Variants in KCTD16 observed in about 807,000 individuals in gnomAD.
KCTD16 encodes the protein potassium channel tetramerization domain containing 16.
Under a neutral mutation model 33.2 loss-of-function variants are expected in KCTD16, and 13 were observed. The observed-to-expected ratio is 0.39, with a 90% CI of 0.25 to 0.62. KCTD16 has a LOEUF of 0.62. Among genes scored for constraint, KCTD16 ranks in the 20% least tolerant of loss-of-function variants. The pLI is 0.50. For synonymous variants in KCTD16, 197 were observed against 195.3 expected (o/e 1.01, Z -0.07); for missense variants, 441 against 525.1 (o/e 0.84, Z 1.57).
chr5:144,260,906 T>C (rs1352933853), intron 3 of KCTD16, among the ~76,000 whole-genome samples: 2 of 152,084 alleles, frequency 1.3e-5, no homozygotes, highest in Non-Finnish European at 2.9e-5. Flanking sequence ...ATTAATATCA[T>C]TTTTTATGTA....
intron 3 of KCTD16, among the ~76,000 whole-genome samples, chr5:144,328,592 T>C (rs2126889343): frequency 6.6e-6 from 1 of 152,236 alleles, no homozygotes; most frequent in East Asian, 1.9e-4. Context: ...TTTTATCCTG[T>C]TGTTTTTCAT....
intron 2 of KCTD16, among the ~76,000 whole-genome samples, chr5:144,192,376 C>T (rs1325122363): frequency 3.3e-5 from 5 of 152,158 alleles, no homozygotes; most frequent in Non-Finnish European, 7.3e-5. Context: ...ATGTGATACA[C>T]GATTTCATTC....
chr5:144,306,146 T>G (rs1432941181), intron 3 of KCTD16, among the ~76,000 whole-genome samples: 1 of 152,232 alleles, frequency 6.6e-6, no homozygotes, highest in Non-Finnish European at 1.5e-5. Flanking sequence ...TTTATGTAGC[T>G]ACAGTCCTCC....
At chr5:144,374,848 A>G (rs1217311376) in intron 3 of KCTD16, among the ~76,000 whole-genome samples, 1 of 152,164 alleles carries the variant, frequency 6.6e-6, no homozygotes, top group African/African-American at 2.4e-5. Flanking sequence ...TTTTCACTGA[A>G]GTTTAGAACT....
intron 3 of KCTD16, among the ~76,000 whole-genome samples, chr5:144,419,261 A>G (rs760292628): frequency 1.3e-5 from 2 of 152,168 alleles, no homozygotes; most frequent in African/African-American, 2.4e-5. Context: ...TCAGTCCTGA[A>G]AGGTTTACAG....
chr5:144,262,416 G>A (rs957266516), intron 3 of KCTD16, among the ~76,000 whole-genome samples: 4 of 152,160 alleles, frequency 2.6e-5, no homozygotes, highest in African/African-American at 9.7e-5. Context: ...CCTGTGAAGG[G>A]TTTCAAGCAA....
intron 3 of KCTD16, among the ~76,000 whole-genome samples, chr5:144,458,025 G>T (rs1051564604): frequency 6.6e-6 from 1 of 152,166 alleles, no homozygotes; most frequent in Admixed American, 6.5e-5. Flanking sequence ...CACATTTTAT[G>T]TGCAAATTCA....
rs1311873175 is a variant in KCTD16, at chr5:144,478,507, A to G, written c.*4393A>G. On this transcript the variant is annotated 3_prime_UTR_variant, in exon 4 of 4. Coordinates refer to ENST00000512467, the MANE Select transcript of KCTD16 (RefSeq NM_020768.4). The stretch of plus-strand genomic sequence containing the variant: ...AAACTTTTTAATAGTGTTTTTTAAT[A>G]CTCAGTATGCACAAAAATCATGTGT... 6.6e-6 allele frequency: 1 copy of G among 151,994 alleles called. No individual in the cohort carries two copies. The highest frequency in any genetic ancestry group is 1.9e-4 in the East Asian group (1 of 5,182). 9.4% of individuals were successfully genotyped at this position (151,994 alleles called of 1,614,324 possible). A position where few individuals can be genotyped will look rare whatever the true frequency, so the allele number is the denominator to read the frequency against.
intron 3 of KCTD16, among the ~76,000 whole-genome samples, chr5:144,320,079 G>T (rs1018499342): frequency 6.6e-6 from 1 of 152,036 alleles, no homozygotes; most frequent in Non-Finnish European, 1.5e-5. Context: ...CAGTAGAAAT[G>T]GGCTAAATAT....
intron 3 of KCTD16, among the ~76,000 whole-genome samples, chr5:144,324,092 A>G (rs765745532): frequency 6.6e-6 from 1 of 152,018 alleles, no homozygotes; most frequent in Non-Finnish European, 1.5e-5. Flanking sequence ...ATCTCTTCCC[A>G]TTGCTTGAAA....
chr5:144,435,653 G>A (rs574832743), intron 3 of KCTD16, among the ~76,000 whole-genome samples: 1 of 152,286 alleles, frequency 6.6e-6, no homozygotes, highest in South Asian at 2.1e-4. Context: ...TATTTAAAAT[G>A]TTGATAAATA....
chr5:144,333,360 G>T (rs2126892819), intron 3 of KCTD16, among the ~76,000 whole-genome samples: 1 of 152,280 alleles, frequency 6.6e-6, no homozygotes, highest in East Asian at 1.9e-4. Flanking sequence ...CAATGTGGCT[G>T]TTCTTCTGCT....
intron 2 of KCTD16, among the ~76,000 whole-genome samples, chr5:144,192,434 A>T (rs188268396): frequency 6.6e-6 from 1 of 152,242 alleles, no homozygotes; most frequent in Non-Finnish European, 1.5e-5. Flanking sequence ...ACATTTTGTC[A>T]TGAGGTTTCA....
At chr5:144,464,708 C>CT (rs1554096388) in intron 3 of KCTD16, among the ~76,000 whole-genome samples, 2 of 150,640 alleles carry the variant, frequency 1.3e-5, no homozygotes, top group African/African-American at 2.4e-5. Flanking sequence ...CTTCCTCCTC[C>CT]TCTTCTTCTT....
At chr5:144,312,654 C>A (rs1010522960) in intron 3 of KCTD16, among the ~76,000 whole-genome samples, 1 of 152,140 alleles carries the variant, frequency 6.6e-6, no homozygotes, top group African/African-American at 2.4e-5. Context: ...GAAATTCTTT[C>A]TTGATTTTGC....
chr5:144,444,440 C>G (rs1753776773), intron 3 of KCTD16, among the ~76,000 whole-genome samples: 1 of 152,002 alleles, frequency 6.6e-6, no homozygotes, highest in Admixed American at 6.6e-5. Context: ...AAGGCTTGTT[C>G]TATTATAGAT....
At chr5:144,312,753 A>T (rs1751799042) in intron 3 of KCTD16, among the ~76,000 whole-genome samples, 1 of 152,222 alleles carries the variant, frequency 6.6e-6, no homozygotes, top group Non-Finnish European at 1.5e-5. Context: ...CCACTGGAAA[A>T]GGGTGTGAAG....
chr5:144,185,458 C>T (rs1752705854), intron 2 of KCTD16, among the ~76,000 whole-genome samples: 1 of 152,096 alleles, frequency 6.6e-6, no homozygotes, highest in Non-Finnish European at 1.5e-5. Flanking sequence ...TCTTAATGGT[C>T]CCAGAAAATG....
rs114949320 is a variant in KCTD16 at position 144,237,242 on chromosome 5, C to T, written c.832+29696C>T. Reference sequence around the variant, plus strand: ...TATGAAGCACTAAAATAATTTCCAGCGAAGTTGGTTTGGCTCTAGTTTCTC... The same window carrying T: ...TATGAAGCACTAAAATAATTTCCAGTGAAGTTGGTTTGGCTCTAGTTTCTC... On this transcript the variant is annotated intron_variant, in intron 3 of 3. Transcript: ENST00000512467. Among the ~76,000 whole-genome samples the T allele has an allele frequency of 5.5e-3, 840 of 152,078 alleles. 8 individuals carry two copies. The highest frequency in any genetic ancestry group is 0.019 in the African/African-American group (789 of 41,488).
Sources: allele counts gnomAD v4.1 joint callset (sites outside exome capture counted in the v4.1 genomes callset), GRCh38; gene constraint gnomAD v4.1.1; transcripts MANE v1.5; gene names NCBI Gene and HGNC (gene_info 2026-07-23, HGNC 2026-07-21).